COL24A1: variants seen among roughly 807,000 people sequenced by gnomAD.
COL24A1 encodes the protein collagen type XXIV alpha 1 chain.
Under a neutral mutation model 253.9 loss-of-function variants are expected in COL24A1, and 224 were observed. That is an observed-to-expected ratio of 0.88 (90% confidence interval 0.79 to 0.99). The LOEUF (loss-of-function observed/expected upper bound fraction) is 0.99. COL24A1 is among the 50% of genes least tolerant of loss of function. The pLI is 0.00. For missense variants in COL24A1, 2,131 were observed against 2,068.5 expected, an observed-to-expected ratio of 1.03 and a Z score of -0.59; for synonymous variants, 685 against 673.7, an observed-to-expected ratio of 1.02 and a Z score of -0.26.
At chr1:85,973,720 G>A (rs556731053) in intron 20 of COL24A1, among the ~76,000 whole-genome samples, 3 of 152,204 alleles carry the variant, frequency 2.0e-5, no homozygotes, top group African/African-American at 7.2e-5. Flanking sequence ...CTATTTACTC[G>A]AGATGGAACC....
intron 6 of COL24A1, among the ~76,000 whole-genome samples, chr1:86,090,632 C>T (rs1362189727): frequency 2.0e-5 from 3 of 152,084 alleles, no homozygotes; most frequent in Non-Finnish European, 4.4e-5. Flanking sequence ...ATGTGTATAA[C>T]CAGTTTCCTT....
At chr1:85,806,424 C>G (rs1671973985) in intron 47 of COL24A1, among the ~76,000 whole-genome samples, 1 of 152,096 alleles carries the variant, frequency 6.6e-6, no homozygotes, top group Non-Finnish European at 1.5e-5. Context: ...AAGGGCCAGA[C>G]AGTAACTCTG....
intron 5 of COL24A1, among the ~76,000 whole-genome samples, chr1:86,099,058 G>A (rs1356992450): frequency 6.6e-6 from 1 of 152,094 alleles, no homozygotes; most frequent in Admixed American, 6.6e-5. Flanking sequence ...CACATATTGG[G>A]CCATAAAATG....
chr1:85,765,540 AC>A (rs1667274874), intron 53 of COL24A1, among the ~76,000 whole-genome samples: 1 of 34,778 alleles, frequency 2.9e-5, no homozygotes, highest in Admixed American at 3.1e-4. Flanking sequence ...CACTGTCTCT[AC>A]CGAAAAAAAA....
intron 1 of COL24A1, among the ~76,000 whole-genome samples, chr1:86,149,642 A>G (rs1159438507): frequency 6.6e-6 from 1 of 152,208 alleles, no homozygotes; most frequent in East Asian, 1.9e-4. Flanking sequence ...ATAACTAATG[A>G]CAAGTACAAC....
intron 10 of COL24A1, among the ~76,000 whole-genome samples, chr1:86,052,310 T>A: frequency 6.6e-6 from 1 of 152,096 alleles, no homozygotes; most frequent in Admixed American, 6.6e-5. Context: ...TATTCACAAT[T>A]ATCAAAAGAT....
intron 19 of COL24A1, among the ~76,000 whole-genome samples, chr1:85,991,862 T>A (rs1216191165): frequency 6.6e-6 from 1 of 151,238 alleles, no homozygotes; most frequent in Admixed American, 6.6e-5. Flanking sequence ...CAAGTTTATT[T>A]TTTATTTTTT....
At chr1:85,732,615 A>G (rs1222349391) in intron 59 of COL24A1, among the ~76,000 whole-genome samples, 1 of 151,926 alleles carries the variant, frequency 6.6e-6, no homozygotes, top group African/African-American at 2.4e-5. Flanking sequence ...ATTTTTATTT[A>G]TTTTTTACTT....
At position 86,037,029 on chromosome 1, in the gene COL24A1, C is replaced by T. The variant is rs574396698; in HGVS notation, c.1951-3106G>A. Reference sequence around the variant, plus strand: ...TAACTTTCATCTTCTAATGAGCATGCCAGAGTCACATTGTTGCTTCTGTGT... The same window carrying T: ...TAACTTTCATCTTCTAATGAGCATGTCAGAGTCACATTGTTGCTTCTGTGT... On this transcript the variant is annotated intron_variant, in intron 12 of 59. Coordinates refer to ENST00000370571, the MANE Select transcript of COL24A1 (RefSeq NM_152890.7). Among the ~76,000 whole-genome samples, 182 of 152,286 alleles carry T rather than the reference C, an allele frequency of 1.2e-3. 3 individuals are homozygous for T. The highest frequency in any genetic ancestry group is 6.8e-3 in the Middle Eastern group (2 of 294).
At chr1:86,064,732 T>C (rs970490246) in intron 7 of COL24A1, among the ~76,000 whole-genome samples, 6 of 152,188 alleles carry the variant, frequency 3.9e-5, no homozygotes, top group African/African-American at 1.4e-4. Context: ...TCAGTATTAA[T>C]CACTGAGGGT....
chr1:85,865,862 G>C (rs1490088023), intron 37 of COL24A1, among the ~76,000 whole-genome samples: 1 of 152,100 alleles, frequency 6.6e-6, no homozygotes, highest in Non-Finnish European at 1.5e-5. Context: ...TAATGGAAGA[G>C]GGATGAGTCC....
chr1:86,065,075 C>G (rs781022080), intron 7 of COL24A1, among the ~76,000 whole-genome samples: 1 of 152,112 alleles, frequency 6.6e-6, no homozygotes, highest in Non-Finnish European at 1.5e-5. Flanking sequence ...TGGTGGCTCC[C>G]TGGGATGAGG....
chr1:86,113,238 G>A (rs1035332489), intron 4 of COL24A1, among the ~76,000 whole-genome samples: 1 of 152,086 alleles, frequency 6.6e-6, no homozygotes, highest in African/African-American at 2.4e-5. Context: ...AATCCTGCAA[G>A]GTTATTATTT....
At chr1:85,984,969 C>A (rs1415211302) in intron 20 of COL24A1, among the ~76,000 whole-genome samples, 2 of 151,788 alleles carry the variant, frequency 1.3e-5, no homozygotes, top group Non-Finnish European at 3.0e-5. Context: ...AATGGTCATT[C>A]AATTAATCAT....
chr1:85,840,195 T>C (rs1002020659), intron 42 of COL24A1, among the ~76,000 whole-genome samples: 1 of 152,150 alleles, frequency 6.6e-6, no homozygotes, highest in Non-Finnish European at 1.5e-5. Flanking sequence ...GATCCTGGCA[T>C]ACCTAAATCT....
At chr1:85,904,712 G>C (rs1684639641) in intron 28 of COL24A1, among the ~76,000 whole-genome samples, 1 of 151,974 alleles carries the variant, frequency 6.6e-6, no homozygotes, top group South Asian at 2.1e-4. Context: ...ATCTTTTTCA[G>C]CTATATAAAA....
At chr1:85,975,488 A>T (rs1359958461) in intron 20 of COL24A1, among the ~76,000 whole-genome samples, 1 of 152,210 alleles carries the variant, frequency 6.6e-6, no homozygotes, top group African/African-American at 2.4e-5. Context: ...GGAGGATATT[A>T]TATTAAGTGA....
chr1:86,074,944 A>T (rs774965095), intron 7 of COL24A1, among the ~76,000 whole-genome samples: 4 of 152,188 alleles, frequency 2.6e-5, no homozygotes, highest in Admixed American at 6.6e-5. Flanking sequence ...ATAGGGAAAG[A>T]TCTAAAATCA....
chr1:85,859,036 C>T (rs1678835475), intron 37 of COL24A1, among the ~76,000 whole-genome samples: 1 of 152,100 alleles, frequency 6.6e-6, no homozygotes, highest in Admixed American at 6.6e-5. Flanking sequence ...TGCACTCAAT[C>T]TTTATTTCCT....
Sources: gnomAD v4.1 joint callset for allele counts (sites outside exome capture counted in the v4.1 genomes callset) on GRCh38, gnomAD v4.1.1 for gene constraint, MANE v1.5 for transcripts, NCBI Gene and HGNC (gene_info 2026-07-23, HGNC 2026-07-21) for gene names.